TLK1: variants seen among roughly 807,000 people sequenced by gnomAD.
The protein encoded by TLK1 is tousled like kinase 1, also known as serine/threonine-protein kinase tousled-like 1.
In TLK1, 24 loss-of-function variants were observed where a neutral mutation model predicts 105.3. The observed-to-expected ratio is 0.23, with a 90% CI of 0.17 to 0.32. The LOEUF is 0.32. Ranked by LOEUF, TLK1 falls within the 10% of genes least tolerant of loss-of-function variation. The pLI, the probability that TLK1 is intolerant of heterozygous loss-of-function variation, is 1.00. For missense variants in TLK1, 558 were observed against 910.5 expected (o/e 0.61, Z 4.98); for synonymous variants, 321 against 310.4 (o/e 1.03, Z -0.36).
At chr2:171,095,304 AAAC>A (rs1689406759) in intron 2 of TLK1, among the ~76,000 whole-genome samples, 1 of 152,050 alleles carries the variant, frequency 6.6e-6, no homozygotes, top group Non-Finnish European at 1.5e-5. Flanking sequence ...GAGAATAGAA[AAAC>A]AATAGAAAAA....
chr2:171,024,974 C>T (rs532444979), intron 12 of TLK1, among the ~76,000 whole-genome samples: 62 of 152,188 alleles, frequency 4.1e-4, no homozygotes, highest in Admixed American at 1.2e-3. Flanking sequence ...AAAAAAGTGA[C>T]GCTCTGCTGT....
At chr2:171,026,062 GAA>G (rs1685758679) in intron 12 of TLK1, among the ~76,000 whole-genome samples, 1 of 152,046 alleles carries the variant, frequency 6.6e-6, no homozygotes, top group African/African-American at 2.4e-5. Context: ...TCAAAGAAAA[GAA>G]AAGTTATGTT....
chr2:171,042,299 T>A (rs1275991290), intron 11 of TLK1, among the ~76,000 whole-genome samples: 3 of 152,070 alleles, frequency 2.0e-5, no homozygotes, highest in Non-Finnish European at 4.4e-5. Flanking sequence ...CAGGCTGGAG[T>A]GCAGTGGAGT....
At chr2:171,152,780 G>T (rs541439494) in intron 1 of TLK1, among the ~76,000 whole-genome samples, 1 of 152,060 alleles carries the variant, frequency 6.6e-6, no homozygotes, top group Non-Finnish European at 1.5e-5. Flanking sequence ...GTATTTACTT[G>T]TTATGGCTCC....
intron 1 of TLK1, among the ~76,000 whole-genome samples, chr2:171,127,982 A>C (rs982513066): frequency 6.6e-5 from 10 of 152,210 alleles, no homozygotes; most frequent in Admixed American, 5.2e-4. Context: ...AGGTCCCTGA[A>C]TCTAGGTATA....
chr2:171,212,814 C>G (rs1693643535), intron 1 of TLK1, among the ~76,000 whole-genome samples: 1 of 152,012 alleles, frequency 6.6e-6, no homozygotes, highest in Non-Finnish European at 1.5e-5. Context: ...TTTGAGCTTC[C>G]TATGATTGTA....
At chr2:171,107,624 G>A (rs936441815) in intron 2 of TLK1, among the ~76,000 whole-genome samples, 5 of 152,196 alleles carry the variant, frequency 3.3e-5, no homozygotes, top group African/African-American at 1.2e-4. Context: ...AGAAAAGGAC[G>A]AGGGAAGCCA....
chr2:171,020,556 G>GA (rs947965416), intron 12 of TLK1, among the ~76,000 whole-genome samples: 73 of 147,422 alleles, frequency 5.0e-4, no homozygotes, highest in African/African-American at 1.6e-3. Flanking sequence ...AAGAAAAAAA[G>GA]AAAAAAAAAG....
chr2:171,166,483 G>T (rs1483217265), intron 1 of TLK1, among the ~76,000 whole-genome samples: 2 of 152,232 alleles, frequency 1.3e-5, no homozygotes, highest in African/African-American at 4.8e-5. Flanking sequence ...CCCAATGTTT[G>T]TGGTTTGATA....
intron 11 of TLK1, among the ~76,000 whole-genome samples, chr2:171,041,930 T>C (rs1372149933): frequency 6.6e-6 from 1 of 152,170 alleles, no homozygotes; most frequent in Non-Finnish European, 1.5e-5. Context: ...AGATGTGACA[T>C]TTTGTGTTAA....
chr2:170,996,872 T>TA (rs1390043860), intron 19 of TLK1, 112 bp from the exon 20 acceptor site: 1 of 852,876 alleles, frequency 1.2e-6, no homozygotes, highest in Non-Finnish European at 1.8e-6. Flanking sequence ...TCTTGTGTTC[T>TA]AAAATCTTCC....
intron 1 of TLK1, among the ~76,000 whole-genome samples, chr2:171,188,094 G>C (rs906805246): frequency 6.6e-6 from 1 of 152,158 alleles, no homozygotes; most frequent in African/African-American, 2.4e-5. Flanking sequence ...CATGGTTCAA[G>C]GGTCAAGTGA....
chr2:171,206,336 A>G (rs958792278), intron 1 of TLK1, among the ~76,000 whole-genome samples: 1 of 152,326 alleles, frequency 6.6e-6, no homozygotes, highest in Admixed American at 6.5e-5. Context: ...AAGAAAAGAG[A>G]AAGTTGTGAA....
chr2:171,097,532 G>A (rs910338759), intron 2 of TLK1, among the ~76,000 whole-genome samples: 2 of 152,154 alleles, frequency 1.3e-5, no homozygotes, highest in Non-Finnish European at 2.9e-5. Context: ...ACAGTAAAGA[G>A]ACAATCTACA....
In TLK1 at chr2:171,061,207, AT is replaced by A. The variant is rs768024307; in HGVS notation, c.331-52del. On this transcript the variant is annotated intron_variant, in intron 3 of 20. Coordinates refer to ENST00000431350, the MANE Select transcript of TLK1 (RefSeq NM_012290.5). The stretch of plus-strand genomic sequence containing the variant: ...TTAAATGACAGTTTTAATATACAAA[AT>A]TATCACAGTCAACATAAAACCATGT... 5 of 1,577,360 alleles carry A rather than the reference AT, an allele frequency of 3.2e-6. No individual in the cohort carries two copies. In the East Asian group the frequency reaches 9.0e-5, roughly 28 times the overall value.
upstream of TLK1, among the ~76,000 whole-genome samples, chr2:171,163,956 G>C (rs763167173): frequency 4.6e-5 from 7 of 152,090 alleles, no homozygotes; most frequent in Non-Finnish European, 8.8e-5. Context: ...AAACTCCTGA[G>C]CTCAGGCAGT....
intron 1 of TLK1, among the ~76,000 whole-genome samples, chr2:171,177,254 A>AT (rs1473290315): frequency 6.6e-6 from 1 of 151,974 alleles, no homozygotes; most frequent in African/African-American, 2.4e-5. Flanking sequence ...GGATCCTCCC[A>AT]TATCAGTCTC....
At chr2:171,175,103 C>A (rs548681041) in intron 1 of TLK1, among the ~76,000 whole-genome samples, 80 of 152,098 alleles carry the variant, frequency 5.3e-4, no homozygotes, top group South Asian at 3.5e-3. Context: ...TGCGGTGGTG[C>A]AAGCCTGTAG....
chr2:171,059,325 T>C (rs1035903569), intron 4 of TLK1, among the ~76,000 whole-genome samples: 4 of 152,214 alleles, frequency 2.6e-5, no homozygotes, highest in African/African-American at 9.7e-5. Flanking sequence ...CTTAACTGAA[T>C]GGAAATTTTG....
Sources: allele counts gnomAD v4.1 joint callset (sites outside exome capture counted in the v4.1 genomes callset), GRCh38; gene constraint gnomAD v4.1.1; transcripts MANE v1.5; gene names NCBI Gene and HGNC (gene_info 2026-07-23, HGNC 2026-07-21).